MCTP2: variants seen among roughly 807,000 people sequenced by gnomAD.
MCTP2 encodes the protein multiple C2 and transmembrane domain containing 2, also known as multiple C2 and transmembrane domain-containing protein 2.
Under a neutral mutation model 111.6 loss-of-function variants are expected in MCTP2, and 132 were observed. The ratio of observed to expected loss-of-function variants is 1.18; its 90% CI spans 1.03 to 1.37. The LOEUF is 1.37. MCTP2 is among the 40% of genes most tolerant of loss of function. The probability of loss-of-function intolerance (pLI) is 0.00; values close to 1 mark genes in which losing one functional copy is unlikely to be tolerated. For missense variants in MCTP2, 1,183 were observed against 1,067.9 expected, an observed-to-expected ratio of 1.11 and a Z score of -1.50; for synonymous variants, 395 against 387.7, an observed-to-expected ratio of 1.02 and a Z score of -0.22.
chr15:94,330,677 G>A (rs149500595), intron 4 of MCTP2, among the ~76,000 whole-genome samples: 80 of 152,218 alleles, frequency 5.3e-4, no homozygotes, highest in Admixed American at 3.4e-3. Context: ...TTTCTAAGCC[G>A]AAGTTCACAC....
intron 1 of MCTP2, among the ~76,000 whole-genome samples, chr15:94,287,750 A>G (rs1596274209): frequency 6.6e-6 from 1 of 152,180 alleles, no homozygotes. Flanking sequence ...CCCAGTGCCA[A>G]CTGCTGACTG....
chr15:94,385,304 T>C (rs2080393022), intron 13 of MCTP2, 119 bp from the exon 14 acceptor site: 4 of 617,292 alleles, frequency 6.5e-6, no homozygotes, highest in African/African-American at 3.6e-5. Context: ...TTTAATTAAA[T>C]GGTAGGTTTA....
chr15:94,253,049 A>G (rs909432796), intron 1 of MCTP2, among the ~76,000 whole-genome samples: 9 of 152,118 alleles, frequency 5.9e-5, no homozygotes, highest in African/African-American at 2.2e-4. Context: ...TGCTTCCCTC[A>G]GCTGACTTTT....
intron 1 of MCTP2, among the ~76,000 whole-genome samples, chr15:94,297,879 G>A: frequency 6.6e-6 from 1 of 151,894 alleles, no homozygotes; most frequent in Non-Finnish European, 1.5e-5. Flanking sequence ...AATGTCTTTA[G>A]CTCCGCTTCC....
intron 4 of MCTP2, among the ~76,000 whole-genome samples, chr15:94,329,338 A>G (rs1027833001): frequency 1.3e-5 from 2 of 152,152 alleles, no homozygotes; most frequent in East Asian, 1.9e-4. Flanking sequence ...TTTGATATAC[A>G]TAGTGTATTA....
intron 1 of MCTP2, among the ~76,000 whole-genome samples, chr15:94,249,566 A>C (rs1474102671): frequency 1.3e-5 from 2 of 151,420 alleles, no homozygotes; most frequent in African/African-American, 4.9e-5. Context: ...GCTCACTGCA[A>C]CCTCCGCCTC....
At chr15:94,367,089 G>C (rs149977546) in intron 10 of MCTP2, among the ~76,000 whole-genome samples, 2 of 152,268 alleles carry the variant, frequency 1.3e-5, no homozygotes, top group East Asian at 3.9e-4. Flanking sequence ...ACACCTTAAC[G>C]TGTTTTTTAA....
intron 4 of MCTP2, among the ~76,000 whole-genome samples, chr15:94,318,231 C>T (rs143103014): frequency 3.4e-5 from 5 of 148,512 alleles, no homozygotes; most frequent in Admixed American, 2.0e-4. Context: ...TCTCAAGCTA[C>T]ATGTCCTGTT....
chr15:94,399,402 T>G (rs892138744), intron 15 of MCTP2: 1 of 204,478 alleles, frequency 4.9e-6, no homozygotes, highest in Non-Finnish European at 9.8e-6. Flanking sequence ...TTACTCAGTC[T>G]GGTGGTTTGA....
intron 17 of MCTP2, among the ~76,000 whole-genome samples, chr15:94,414,018 C>G (rs1472318172): frequency 6.6e-6 from 1 of 152,126 alleles, no homozygotes; most frequent in Non-Finnish European, 1.5e-5. Flanking sequence ...CTTGTAGTCT[C>G]ATTTAGAAAA....
intron 2 of MCTP2, among the ~76,000 whole-genome samples, chr15:94,305,619 C>T (rs909295643): frequency 6.6e-6 from 1 of 152,090 alleles, no homozygotes; most frequent in Non-Finnish European, 1.5e-5. Flanking sequence ...CATTTTTCTT[C>T]TTCTCCCGGC....
rs1596493617 is a variant in MCTP2 at position 94,370,189 on chromosome 15, C to T, written c.1582+9C>T. 6.3e-7 allele frequency: 1 copy of T among 1,585,148 alleles called. No homozygotes were observed. The highest frequency in any genetic ancestry group is 2.3e-5 in the East Asian group (1 of 44,394). On this transcript the variant is annotated intron_variant, in intron 12 of 22. Transcript: ENST00000357742. ...AGCGGCAGATTTCTCAGGTACAGGA[C>T]ATTTTCATTTTCTAATTTATCTTTA...
At chr15:94,441,014 T>C (rs2083752616) in intron 18 of MCTP2, among the ~76,000 whole-genome samples, 1 of 152,176 alleles carries the variant, frequency 6.6e-6, no homozygotes, top group South Asian at 2.1e-4. Flanking sequence ...TTTTTTATGA[T>C]GTAATCTAGG....
intron 4 of MCTP2, among the ~76,000 whole-genome samples, chr15:94,326,435 G>A (rs1172528753): frequency 6.6e-6 from 1 of 152,124 alleles, no homozygotes; most frequent in Non-Finnish European, 1.5e-5. Flanking sequence ...TGTGTTATAT[G>A]ATCTGAGCAT....
intron 19 of MCTP2, among the ~76,000 whole-genome samples, chr15:94,451,097 A>G (rs971524469): frequency 6.6e-6 from 1 of 152,230 alleles, no homozygotes; most frequent in Non-Finnish European, 1.5e-5. Flanking sequence ...CAATTGTGTT[A>G]CAACACAGAC....
At chr15:94,462,443 C>T (rs1567759690) in intron 20 of MCTP2, among the ~76,000 whole-genome samples, 1 of 152,134 alleles carries the variant, frequency 6.6e-6, no homozygotes, top group Non-Finnish European at 1.5e-5. Context: ...TACAAAGTGT[C>T]TTGTTTTGAG....
At chr15:94,245,194 G>GTATGTATATATTTTACACACACA (rs2071730824) in intron 1 of MCTP2, among the ~76,000 whole-genome samples, 1 of 139,738 alleles carries the variant, frequency 7.2e-6, no homozygotes, top group African/African-American at 2.7e-5. Flanking sequence ...ACACACATAT[G>GTATGTATATATTTTACACACACA]TATGTATATA....
chr15:94,385,375 A>G, intron 13 of MCTP2, 48 bp from the exon 14 acceptor site: 1 of 1,254,458 alleles, frequency 8.0e-7, no homozygotes, highest in South Asian at 1.2e-5. Flanking sequence ...CATGGAACAG[A>G]CTTCACTTGT....
Position 94,256,616 on chromosome 15 carries a change from C to G in MCTP2, c.-66+24952C>G, listed in dbSNP as rs534302286. The stretch of plus-strand genomic sequence containing the variant: ...AGTGAGTATCAGGAAGGCAGACCAT[C>G]ACAAGAATTGGGTCTTTTCTGTGAG... On this transcript the variant is annotated intron_variant, in intron 1 of 22. Coordinates refer to ENST00000357742, the MANE Select transcript of MCTP2 (RefSeq NM_001385001.1). Among the ~76,000 whole-genome samples the G allele has an allele frequency of 1.1e-3, 175 of 152,302 alleles. 1 individual carries two copies. Among genetic ancestry groups the G allele is most frequent in the African/African-American group, 4.1e-3 (172 of 41,560 alleles).
Sources: allele counts gnomAD v4.1 joint callset (sites outside exome capture counted in the v4.1 genomes callset), GRCh38; gene constraint gnomAD v4.1.1; transcripts MANE v1.5; gene names NCBI Gene and HGNC (gene_info 2026-07-23, HGNC 2026-07-21).